The following DDX60 variants were observed in gnomAD, a reference collection of about 807,000 sequenced individuals.
DDX60 encodes probable ATP-dependent RNA helicase DDX60.
Under a neutral mutation model 212.8 loss-of-function variants are expected in DDX60, and 165 were observed. The ratio of observed to expected loss-of-function variants is 0.78; its 90% CI spans 0.68 to 0.88. The LOEUF (loss-of-function observed/expected upper bound fraction) is 0.88, where lower values mean the gene tolerates loss of function less well. DDX60 is among the 40% of genes least tolerant of loss of function. The pLI, the probability that DDX60 is intolerant of heterozygous loss-of-function variation, is 0.00. For synonymous variants in DDX60, 703 were observed against 685.3 expected (o/e 1.03, Z -0.40); for missense variants, 1,905 against 2,003.9 (o/e 0.95, Z 0.94).
At position 168,262,785 on chromosome 4, in the gene DDX60, A is replaced by C. The variant is rs776047675; in HGVS notation, c.3042T>G (p.Ile1014Met). Residue 1014 changes from isoleucine (I) to methionine (M), a missense_variant and splice_region_variant, in exon 23 of 38, where the codon ATT becomes ATG. Physicochemically the swap from Ile to Met is conservative, Grantham distance 10. Coordinates refer to ENST00000393743, the MANE Select transcript of DDX60 (RefSeq NM_017631.6). ...GATCAGGAGGGAATCCATACCTTTC[A>C]ATCTGTTTAAAATAAAATTAAAATT... ...HPCAALTTDHIERYGFPPDLT... is the reference protein window; with the variant it reads ...HPCAALTTDHMERYGFPPDLT... The C allele has an allele frequency of 2.5e-6, 4 of 1,588,948 alleles. No homozygotes were observed. The East Asian group carries it at 9.0e-5, about 36-fold the overall frequency.
the DDX60 span, among the ~76,000 whole-genome samples, chr4:168,325,058 T>C: frequency 6.6e-6 from 1 of 152,248 alleles, no homozygotes; most frequent in Non-Finnish European, 1.5e-5. Flanking sequence ...AACAAATTTC[T>C]GGTTGGATAG....
chr4:168,303,147 A>C, intron 5 of DDX60, among the ~76,000 whole-genome samples: 1 of 151,958 alleles, frequency 6.6e-6, no homozygotes, highest in South Asian at 2.1e-4. Context: ...CTAAAAATGC[A>C]AAAAATTAGC....
At chr4:168,278,146 C>G (rs1446669015) in intron 14 of DDX60, among the ~76,000 whole-genome samples, 2 of 152,178 alleles carry the variant, frequency 1.3e-5, no homozygotes, top group Non-Finnish European at 2.9e-5. Context: ...AAAGTGCTTT[C>G]TTTAAGTGAA....
At chr4:168,230,501 G>A (rs557895553) in intron 33 of DDX60, among the ~76,000 whole-genome samples, 89 of 152,122 alleles carry the variant, frequency 5.9e-4, no homozygotes, top group African/African-American at 2.0e-3. Context: ...TCAGATCACA[G>A]TGGAATAAAA....
chr4:168,273,201 T>C lies in DDX60; in HGVS notation c.2574+78A>G, dbSNP rs78319374. On this transcript the variant is annotated intron_variant, in intron 18 of 37. Transcript: ENST00000393743. The stretch of plus-strand genomic sequence containing the variant: ...ATTATTTTCACAAGCCTTGTGAAGA[T>C]GTTGAATTTCTAGTCAAAGAGACAT... 8.1e-4 allele frequency: 1,086 copies of C among 1,342,422 alleles called. 6 individuals are homozygous for C. The African/African-American group carries it at 0.013, about 16-fold the overall frequency. 83.2% of individuals were successfully genotyped at this position (1,342,422 alleles called of 1,614,324 possible).
chr4:168,247,311 A>G (rs915676439), intron 29 of DDX60, among the ~76,000 whole-genome samples: 6 of 152,190 alleles, frequency 3.9e-5, no homozygotes, highest in Non-Finnish European at 8.8e-5. Flanking sequence ...ACCCTAGCTC[A>G]AGAGCCCAAA....
chr4:168,220,342 T>C (rs544161353), intron 37 of DDX60, among the ~76,000 whole-genome samples: 3 of 152,276 alleles, frequency 2.0e-5, no homozygotes, highest in Non-Finnish European at 4.4e-5. Context: ...TTGTGGCAAT[T>C]GAGAATACCA....
chr4:168,240,074 C>T (rs1404977499), intron 30 of DDX60, among the ~76,000 whole-genome samples: 1 of 152,040 alleles, frequency 6.6e-6, no homozygotes, highest in African/African-American at 2.4e-5. Context: ...ATCTAGAAAA[C>T]CCCATCATCT....
chr4:168,283,553 G>A lies in DDX60; in HGVS notation c.1615C>T (p.Gln539Ter). ...TCTAATGAATTCCCATAAAACCGTT[G>A]GAAAACATGATACTTTTGCACAGAT... Reference protein sequence around the residue: ...LRSVQKYHVFQRFYGNSLETV... With the variant: ...LRSVQKYHVF Residue 539 changes from glutamine (Q) to a stop codon, truncating the protein, a stop_gained, in exon 13 of 38, where the codon CAA (glutamine) becomes TAA (stop). Coordinates refer to ENST00000393743, the MANE Select transcript of DDX60 (RefSeq NM_017631.6). LOFTEE classifies it high-confidence loss of function. 6.2e-7 allele frequency: 1 copy of A among 1,613,174 alleles called. No individual in the cohort carries two copies. Among genetic ancestry groups the A allele is most frequent in the Non-Finnish European group, 8.5e-7 (1 of 1,179,546 alleles).
Position 168,285,498 on chromosome 4 carries a change from T to C in DDX60, c.1340A>G (p.Asp447Gly), listed in dbSNP as rs1011101342. ...FLEKKPSPIKDSSNEMVPNLG... is the reference protein window; with the variant it reads ...FLEKKPSPIKGSSNEMVPNLG... ...ATTGGGCACCATTTCATTGGAGCTGTCTGTAAACAAACAAAAAAAAATTGA... is the reference window on the plus strand; with the variant it reads ...ATTGGGCACCATTTCATTGGAGCTGCCTGTAAACAAACAAAAAAAAATTGA... The change falls in exon 11 of 38, where the codon GAC (aspartate) becomes GGC (glycine). Residue 447 changes from aspartate to glycine, a missense_variant and splice_region_variant. Physicochemically the swap from Asp to Gly is moderately conservative, Grantham distance 94 (BLOSUM62 -1). Transcript: ENST00000393743. 1.3e-6 allele frequency: 2 copies of C among 1,594,968 alleles called. No individual in the cohort carries two copies. Among genetic ancestry groups the C allele is most frequent in the African/African-American group, 1.4e-5 (1 of 74,058 alleles).
chr4:168,253,691 T>C (rs970639601), intron 26 of DDX60, among the ~76,000 whole-genome samples: 1 of 152,196 alleles, frequency 6.6e-6, no homozygotes, highest in African/African-American at 2.4e-5. Flanking sequence ...CCTTTCTTGC[T>C]TCGTTCATTT....
At chr4:168,288,446 G>T in intron 8 of DDX60, 131 bp from the exon 9 acceptor site, 1 of 570,010 alleles carries the variant, frequency 1.8e-6, no homozygotes, top group Non-Finnish European at 3.0e-6. Flanking sequence ...AGCCCATTCA[G>T]GCTGGGTAAT....
At chr4:168,248,424 C>T (rs553451989) in intron 28 of DDX60, 132 bp from the exon 29 acceptor site, 7 of 579,304 alleles carry the variant, frequency 1.2e-5, no homozygotes, top group African/African-American at 1.2e-4. Flanking sequence ...AGAAACTAGA[C>T]ACATTGGTAC....
chr4:168,225,709 C>A, intron 33 of DDX60, 33 bp from the exon 34 acceptor site: 7 of 1,593,914 alleles, frequency 4.4e-6, no homozygotes, highest in Non-Finnish European at 6.0e-6. Flanking sequence ...AGAGATAGAT[C>A]TATTTACCTT....
chr4:168,288,370 T>C, intron 8 of DDX60, 55 bp from the exon 9 acceptor site: 2 of 1,258,686 alleles, frequency 1.6e-6, no homozygotes, highest in Non-Finnish European at 2.2e-6. Context: ...AGCAATAAAC[T>C]ATAGGGTTCA....
At position 168,291,798 on chromosome 4, in the gene DDX60, T is replaced by C; in HGVS notation, c.991A>G (p.Arg331Gly). The C allele has an allele frequency of 6.2e-7, 1 of 1,613,662 alleles. No individual in the cohort carries two copies. The highest frequency in any genetic ancestry group is 8.5e-7 in the Non-Finnish European group (1 of 1,179,790). The change falls in exon 8 of 38, where the codon AGA becomes GGA. Residue 331 changes from arginine (R) to glycine (G), a missense_variant. Transcript: ENST00000393743. ...HLPLSQRACARVITSHWAEDM... is the reference protein window; with the variant it reads ...HLPLSQRACAGVITSHWAEDM... ...TCAGCCCAATGGGAAGTGATGACTC[T>C]AGCACAAGCTCTTTGAGAAAGAGGC...
chr4:168,323,105 A>G (rs1211365213), upstream of DDX60, among the ~76,000 whole-genome samples: 1 of 152,170 alleles, frequency 6.6e-6, no homozygotes, highest in East Asian at 1.9e-4. Context: ...AGCAGCCTCA[A>G]CTTTCACATG....
At position 168,283,500 on chromosome 4, in the gene DDX60, A is replaced by G; in HGVS notation, c.1668T>C (p.Thr556=). 6.2e-7 allele frequency: 1 copy of G among 1,613,606 alleles called. No individual in the cohort carries two copies. Among genetic ancestry groups the G allele is most frequent in the Non-Finnish European group, 8.5e-7 (1 of 1,179,702 alleles). Residue 556 remains threonine, a synonymous_variant, in exon 13 of 38, where the codon ACT becomes ACC. Coordinates refer to ENST00000393743, the MANE Select transcript of DDX60 (RefSeq NM_017631.6). ...AATCCTTCTTTGACTTAATAGTTTGAGTCACGATGATTTTCGAAGAGACTG... is the reference window on the plus strand; with the variant it reads ...AATCCTTCTTTGACTTAATAGTTTGGGTCACGATGATTTTCGAAGAGACTG... ...LETVSSKIIV[T]QTIKSKKDFS...
rs755015470 is a variant in DDX60, at chr4:168,273,373, G to C, written c.2480C>G (p.Thr827Ser). ...TKALVNQVAA[T>S]VQNRFTKNLP... ...ATTTTTCGTAAAACGATTCTGAACA[G>C]TTGCTGCCACTTGATTAACAAGGGC... The change falls in exon 18 of 38, where the codon ACT becomes AGT. Residue 827 changes from threonine to serine, a missense_variant. Physicochemically the swap from Thr to Ser is moderately conservative, Grantham distance 58 (BLOSUM62 1). Coordinates refer to ENST00000393743, the MANE Select transcript of DDX60 (RefSeq NM_017631.6). The C allele has an allele frequency of 6.2e-7, 1 of 1,613,830 alleles. No individual in the cohort carries two copies. Among genetic ancestry groups the C allele is most frequent in the Non-Finnish European group, 8.5e-7 (1 of 1,179,850 alleles).
Sources: gnomAD v4.1 joint callset for allele counts (sites outside exome capture counted in the v4.1 genomes callset) on GRCh38, gnomAD v4.1.1 for gene constraint, MANE v1.5 for transcripts, NCBI Gene and HGNC (gene_info 2026-07-23, HGNC 2026-07-21) for gene names.